EXOC6: variants seen among roughly 807,000 people sequenced by gnomAD.
EXOC6 encodes SEC15-like 1.
A neutral mutation model predicts 112.5 loss-of-function variants in EXOC6; 60 were observed. The observed-to-expected ratio is 0.53, with a 90% CI of 0.43 to 0.66. EXOC6 has a LOEUF of 0.66. Ranked by LOEUF, EXOC6 falls within the 30% of genes least tolerant of loss-of-function variation. The pLI is 0.00. For missense variants in EXOC6, 855 were observed against 957.1 expected (o/e 0.89, Z 1.41); for synonymous variants, 295 against 308.0 (o/e 0.96, Z 0.44).
chr10:92,956,001 G>T (rs1021093140), intron 17 of EXOC6, among the ~76,000 whole-genome samples: 4 of 152,016 alleles, frequency 2.6e-5, no homozygotes, highest in African/African-American at 9.7e-5. Context: ...ATATTTCACA[G>T]TTTAAAAATT....
At chr10:92,954,817 T>TCTGTAAAACTAGCTTC (rs1179931584) in intron 16 of EXOC6, 76 bp downstream of exon 16, 1 of 668,014 alleles carries the variant, frequency 1.5e-6, no homozygotes, top group African/African-American at 1.9e-5. Flanking sequence ...TGAACGTCAT[T>TCTGTAAAACTAGCTTC]CTGTAAAACT....
chr10:92,931,115 GAA>G (rs60087746), intron 9 of EXOC6, among the ~76,000 whole-genome samples: 2,894 of 70,558 alleles, frequency 0.041, 25 homozygotes, highest in East Asian at 0.19. Flanking sequence ...CATCTCAGAA[GAA>G]AAAAAAAAAA....
chr10:92,955,159 G>A (rs112058101), intron 16 of EXOC6, among the ~76,000 whole-genome samples: 18 of 152,172 alleles, frequency 1.2e-4, no homozygotes, highest in African/African-American at 4.3e-4. Flanking sequence ...CTGGGTGACA[G>A]CAAGACCCTG....
chr10:92,994,846 A>G (rs897844839), intron 18 of EXOC6, among the ~76,000 whole-genome samples: 9 of 152,012 alleles, frequency 5.9e-5, no homozygotes, highest in African/African-American at 2.2e-4. Flanking sequence ...ATAAATTTTC[A>G]AATATATTTT....
intron 1 of EXOC6, among the ~76,000 whole-genome samples, chr10:92,862,204 A>G (rs1468628344): frequency 6.6e-6 from 1 of 151,958 alleles, no homozygotes; most frequent in Non-Finnish European, 1.5e-5. Flanking sequence ...GATTTTACCT[A>G]TTTTGGATAT....
At chr10:92,907,491 A>G (rs1459859403) in intron 5 of EXOC6, among the ~76,000 whole-genome samples, 6 of 152,164 alleles carry the variant, frequency 3.9e-5, no homozygotes, top group African/African-American at 1.4e-4. Flanking sequence ...AGCGGCATGA[A>G]GGGAGGCACA....
chr10:92,975,298 C>A (rs1842476254), intron 18 of EXOC6, among the ~76,000 whole-genome samples: 2 of 151,440 alleles, frequency 1.3e-5, no homozygotes, highest in Non-Finnish European at 2.9e-5. Flanking sequence ...CTCGGCCGCC[C>A]CGTCTGAGAA....
At chr10:92,859,945 A>G (rs1193616222) in intron 1 of EXOC6, among the ~76,000 whole-genome samples, 2 of 151,950 alleles carry the variant, frequency 1.3e-5, no homozygotes, top group Non-Finnish European at 2.9e-5. Context: ...AGTCCTTAGC[A>G]GTGGGAGGTG....
chr10:92,972,518 T>C (rs1842342161), intron 17 of EXOC6, among the ~76,000 whole-genome samples: 1 of 152,172 alleles, frequency 6.6e-6, no homozygotes, highest in Non-Finnish European at 1.5e-5. Context: ...TTTGGAACTG[T>C]GGTGCCACCT....
intron 1 of EXOC6, among the ~76,000 whole-genome samples, chr10:92,865,102 C>A (rs997748143): frequency 6.6e-6 from 1 of 152,106 alleles, no homozygotes; most frequent in Non-Finnish European, 1.5e-5. Flanking sequence ...TTATAATCCA[C>A]GTAAACAAAA....
At chr10:92,833,460 T>G (rs537201290), upstream of EXOC6, among the ~76,000 whole-genome samples, 1 of 152,176 alleles carries the variant, frequency 6.6e-6, no homozygotes, top group Non-Finnish European at 1.5e-5. Context: ...TTTTAGCTTA[T>G]GTATATCACT....
At position 92,954,757 on chromosome 10, in the gene EXOC6, A is replaced by C. The variant is rs1300683715; in HGVS notation, c.1638+16A>C. On this transcript the variant is annotated intron_variant, in intron 16 of 21. Transcript: ENST00000260762. ...TTTGACAGAGGTAGGTTAAAAAGAC[A>C]CATATAGTGAAATGTTTCATTGTAT... The C allele has an allele frequency of 9.2e-7, 1 of 1,084,562 alleles. No individual in the cohort carries two copies. Among genetic ancestry groups the C allele is most frequent in the African/African-American group, 1.6e-5 (1 of 63,674 alleles). 67.2% of individuals were successfully genotyped at this position (1,084,562 alleles called of 1,614,324 possible). A position where few individuals can be genotyped will look rare whatever the true frequency, so the allele number is the denominator to read the frequency against.
chr10:92,851,206 G>C (rs1049120363), intron 1 of EXOC6, among the ~76,000 whole-genome samples: 12 of 152,326 alleles, frequency 7.9e-5, no homozygotes, highest in South Asian at 2.1e-4. Flanking sequence ...ATGAAATTCA[G>C]AAGAGTGGAA....
intron 1 of EXOC6, among the ~76,000 whole-genome samples, chr10:92,863,761 A>C (rs894744109): frequency 2.0e-5 from 3 of 151,922 alleles, no homozygotes; most frequent in African/African-American, 7.3e-5. Flanking sequence ...AAATACAAAA[A>C]AAAATTAGCT....
At chr10:92,905,586 A>T (rs1850396462) in intron 5 of EXOC6, among the ~76,000 whole-genome samples, 1 of 151,576 alleles carries the variant, frequency 6.6e-6, no homozygotes, top group Non-Finnish European at 1.5e-5. Context: ...GTTTTATTTC[A>T]TTAGCTACTG....
At chr10:93,053,182 A>G (rs1030377425) in intron 20 of EXOC6, among the ~76,000 whole-genome samples, 3 of 152,156 alleles carry the variant, frequency 2.0e-5, no homozygotes, top group African/African-American at 7.2e-5. Context: ...TTTTCTACCC[A>G]TCACACTCTG....
intron 12 of EXOC6, among the ~76,000 whole-genome samples, chr10:92,939,592 C>A (rs773239806): frequency 6.6e-6 from 1 of 151,830 alleles, no homozygotes; most frequent in East Asian, 1.9e-4. Flanking sequence ...AGATGAAACA[C>A]GTGTTGGAAT....
At chr10:93,028,661 C>T (rs918399594) in intron 20 of EXOC6, among the ~76,000 whole-genome samples, 2 of 151,970 alleles carry the variant, frequency 1.3e-5, no homozygotes, top group African/African-American at 4.8e-5. Flanking sequence ...ATGGAGAAAC[C>T]CTGTCTCTAC....
chr10:92,955,831 G>T (rs1478503982), intron 17 of EXOC6, 117 bp downstream of exon 17: 1 of 896,370 alleles, frequency 1.1e-6, no homozygotes, highest in Non-Finnish European at 1.6e-6. Context: ...TAAGAATAGA[G>T]GTATTCATTG....
Sources: gnomAD v4.1 joint callset for allele counts (sites outside exome capture counted in the v4.1 genomes callset) on GRCh38, gnomAD v4.1.1 for gene constraint, MANE v1.5 for transcripts, NCBI Gene and HGNC (gene_info 2026-07-23, HGNC 2026-07-21) for gene names.